Variants in EIF2B3 observed in about 807,000 individuals in gnomAD.
EIF2B3 encodes eukaryotic translation initiation factor 2B subunit gamma.
In EIF2B3, 20 loss-of-function variants were observed where a neutral mutation model predicts 54.1. That is an observed-to-expected ratio of 0.37 (90% CI 0.26 to 0.54). The LOEUF (loss-of-function observed/expected upper bound fraction) is 0.54. EIF2B3 is among the 20% of genes least tolerant of loss of function. The pLI is 0.86. For synonymous variants in EIF2B3, 153 were observed against 188.1 expected, an observed-to-expected ratio of 0.81 and a Z score of 1.52; for missense variants, 448 against 547.8, an observed-to-expected ratio of 0.82 and a Z score of 1.82.
intron 5 of EIF2B3, among the ~76,000 whole-genome samples, chr1:44,918,830 T>C (rs1298898645): frequency 6.6e-6 from 1 of 152,222 alleles, no homozygotes; most frequent in African/African-American, 2.4e-5. Context: ...TTATGCGTTT[T>C]ACCTTCCCAA....
At chr1:44,932,580 T>G (rs1643906396) in intron 4 of EIF2B3, 1 of 152,008 alleles carries the variant, frequency 6.6e-6, no homozygotes, top group South Asian at 2.1e-4. Flanking sequence ...CCTAAGAGAG[T>G]AGATTTTAAG....
Position 44,850,660 on chromosome 1 carries a change from T to A in EIF2B3, c.*291A>T. 2.1e-6 allele frequency: 1 copy of A among 481,798 alleles called. No individual in the cohort carries two copies. Among genetic ancestry groups the A allele is most frequent in the Non-Finnish European group, 3.7e-6 (1 of 268,120 alleles). The allele number at this position is 481,798 out of a possible 1,614,324, so 29.8% of individuals were successfully genotyped here. The stretch of plus-strand genomic sequence containing the variant: ...CAGAAAGTAGCCTTCCTAGGAGCTT[T>A]ACATTGGACAGCTGCTGCCCCACCG... On this transcript the variant is annotated 3_prime_UTR_variant, in exon 12 of 12. Coordinates refer to ENST00000360403, the MANE Select transcript of EIF2B3 (RefSeq NM_020365.5).
intron 4 of EIF2B3, among the ~76,000 whole-genome samples, chr1:44,938,780 C>T (rs930188934): frequency 6.6e-6 from 1 of 151,940 alleles, no homozygotes; most frequent in African/African-American, 2.4e-5. Context: ...AGCCATGGTG[C>T]CCCCCAGTAT....
At chr1:44,971,512 A>G (rs751189421) in intron 3 of EIF2B3, among the ~76,000 whole-genome samples, 39 of 152,158 alleles carry the variant, frequency 2.6e-4, no homozygotes, top group Non-Finnish European at 3.8e-4. Flanking sequence ...GCCTCCAAGT[A>G]TTAGAGGAAC....
rs898729259 is a variant in EIF2B3, at chr1:44,974,753, G to T, written c.294+3562C>A. ...TATTTGCAGGCAATATGATGATAAG[G>T]TCCTAAACGAATCTATAATTTAAAA... On this transcript the variant is annotated intron_variant, in intron 3 of 11. Coordinates refer to ENST00000360403, the MANE Select transcript of EIF2B3 (RefSeq NM_020365.5). Among the ~76,000 whole-genome samples the T allele has an allele frequency of 4.6e-5, 7 of 151,996 alleles. No individual in the cohort carries two copies. In the East Asian group the frequency reaches 1.3e-3, roughly 29 times the overall value.
At chr1:44,934,271 G>A (rs967254665) in intron 4 of EIF2B3, among the ~76,000 whole-genome samples, 9 of 151,708 alleles carry the variant, frequency 5.9e-5, no homozygotes, top group African/African-American at 1.2e-4. Flanking sequence ...AGTGGCAGGC[G>A]CCTGTAATCC....
intron 11 of EIF2B3, among the ~76,000 whole-genome samples, chr1:44,854,007 G>GTT (rs971169619): frequency 5.9e-5 from 8 of 134,518 alleles, no homozygotes; most frequent in Admixed American, 7.4e-5. Context: ...TTTTTTTTTT[G>GTT]TTTTTTTTTT....
intron 3 of EIF2B3, among the ~76,000 whole-genome samples, chr1:44,950,602 T>C (rs542902007): frequency 2.0e-4 from 30 of 152,218 alleles, no homozygotes; most frequent in Non-Finnish European, 3.1e-4. Context: ...TTGAATTATT[T>C]AAATTATTAA....
intron 2 of EIF2B3, among the ~76,000 whole-genome samples, chr1:44,979,124 A>G (rs1469751411): frequency 6.8e-6 from 1 of 147,568 alleles, no homozygotes; most frequent in Non-Finnish European, 1.5e-5. Context: ...TTGTCTCTAT[A>G]AAAAAACTCC....
At chr1:44,922,322 C>T (rs1024528142) in intron 5 of EIF2B3, among the ~76,000 whole-genome samples, 2 of 151,336 alleles carry the variant, frequency 1.3e-5, no homozygotes. Flanking sequence ...CATGGTGGCT[C>T]ACGCCTGTAA....
chr1:44,911,917 T>C (rs1643524963), intron 5 of EIF2B3, among the ~76,000 whole-genome samples: 1 of 145,566 alleles, frequency 6.9e-6, no homozygotes, highest in Admixed American at 7.0e-5. Flanking sequence ...CCATGTGTTC[T>C]CATTGTTCAA....
At chr1:44,966,802 A>G (rs1216022911) in intron 3 of EIF2B3, among the ~76,000 whole-genome samples, 2 of 152,194 alleles carry the variant, frequency 1.3e-5, no homozygotes, top group Non-Finnish European at 2.9e-5. Context: ...ACATGCCCAC[A>G]AACAGATGAA....
chr1:44,850,963 G>A lies in EIF2B3; in HGVS notation c.1347C>T (p.Leu449=). 6.2e-7 allele frequency: 1 copy of A among 1,614,178 alleles called. No individual in the cohort carries two copies. The highest frequency in any genetic ancestry group is 8.5e-7 in the Non-Finnish European group (1 of 1,180,044). Residue 449 remains leucine, a synonymous_variant, in exon 12 of 12, where the codon CTC becomes CTT. Coordinates refer to ENST00000360403, the MANE Select transcript of EIF2B3 (RefSeq NM_020365.5). ...ACTTGCTCAGAACTCAGATCTCCAT[G>A]AGCTGGTCATTCCCCACGATCACCT... ...VNEVIVGNDQ[L]MEI is the part of the protein sequence containing the mutation.
At chr1:44,941,845 G>A (rs916999026) in intron 3 of EIF2B3, among the ~76,000 whole-genome samples, 180 bp from the exon 4 acceptor site, 1 of 152,122 alleles carries the variant, frequency 6.6e-6, no homozygotes, top group African/African-American at 2.4e-5. Context: ...CTGGTATAGG[G>A]TCTGGAAACT....
At chr1:44,947,596 A>C (rs1393461312) in intron 3 of EIF2B3, among the ~76,000 whole-genome samples, 1 of 152,096 alleles carries the variant, frequency 6.6e-6, no homozygotes, top group Non-Finnish European at 1.5e-5. Flanking sequence ...TAAATAACAC[A>C]ATCTGGCAAC....
At chr1:44,883,436 C>G (rs1054935329) in intron 6 of EIF2B3, among the ~76,000 whole-genome samples, 4 of 152,092 alleles carry the variant, frequency 2.6e-5, no homozygotes, top group Non-Finnish European at 4.4e-5. Context: ...TATTGTTGAA[C>G]CTAAGATTGG....
At chr1:44,969,122 A>C (rs1292327298) in intron 3 of EIF2B3, among the ~76,000 whole-genome samples, 1 of 152,214 alleles carries the variant, frequency 6.6e-6, no homozygotes, top group Non-Finnish European at 1.5e-5. Flanking sequence ...CTAACATCAC[A>C]AAATGAAAGA....
chr1:44,965,380 C>T (rs1261845034), intron 3 of EIF2B3, among the ~76,000 whole-genome samples: 2 of 151,990 alleles, frequency 1.3e-5, no homozygotes, highest in Non-Finnish European at 2.9e-5. Context: ...CAGAAAAGAA[C>T]ACCACTCAAA....
intron 6 of EIF2B3, among the ~76,000 whole-genome samples, chr1:44,885,653 G>A (rs915263434): frequency 7.9e-5 from 12 of 151,974 alleles, no homozygotes; most frequent in Admixed American, 7.2e-4. Flanking sequence ...AGGTATTCCC[G>A]TTATTTATAA....
Sources: allele counts gnomAD v4.1 joint callset (sites outside exome capture counted in the v4.1 genomes callset), GRCh38; gene constraint gnomAD v4.1.1; transcripts MANE v1.5; gene names NCBI Gene and HGNC (gene_info 2026-07-23, HGNC 2026-07-21).